Variants in DCDC1 observed in about 807,000 individuals in gnomAD.
The protein encoded by DCDC1 is doublecortin domain-containing protein 1.
In DCDC1, 200 loss-of-function variants were observed where a neutral mutation model predicts 178.3. The ratio of observed to expected loss-of-function variants is 1.12; its 90% CI spans 1.00 to 1.26. The LOEUF is 1.26. DCDC1 is among the 50% of genes most tolerant of loss of function. DCDC1 has a pLI of 0.00. For synonymous variants in DCDC1, 690 were observed against 604.8 expected (o/e 1.14, Z -2.07); for missense variants, 1,983 against 1,749.2 (o/e 1.13, Z -2.38).
intron 17 of DCDC1, among the ~76,000 whole-genome samples, chr11:31,082,632 G>A (rs1417521314): frequency 2.0e-5 from 3 of 151,270 alleles, no homozygotes; most frequent in Non-Finnish European, 2.9e-5. Context: ...ATATATGTGT[G>A]TAATACATCT....
At chr11:31,296,900 C>T (rs1947727051) in intron 6 of DCDC1, among the ~76,000 whole-genome samples, 1 of 152,168 alleles carries the variant, frequency 6.6e-6, no homozygotes, top group Admixed American at 6.5e-5. Context: ...AGGCGTCTCC[C>T]CCAACATGAG....
chr11:31,015,694 A>G (rs1952449804), intron 20 of DCDC1, among the ~76,000 whole-genome samples: 2 of 152,170 alleles, frequency 1.3e-5, no homozygotes, highest in African/African-American at 4.8e-5. Context: ...AAGAATGAAG[A>G]CATCCTTAAT....
intron 9 of DCDC1, among the ~76,000 whole-genome samples, chr11:31,232,686 C>G (rs1975933519): frequency 2.0e-5 from 3 of 152,120 alleles, no homozygotes; most frequent in Non-Finnish European, 1.5e-5. Flanking sequence ...ATCTTGCTGT[C>G]TCACCTTAGA....
intron 21 of DCDC1, among the ~76,000 whole-genome samples, chr11:30,937,325 T>C (rs1296152046): frequency 1.3e-5 from 2 of 152,092 alleles, no homozygotes; most frequent in Non-Finnish European, 2.9e-5. Flanking sequence ...TGTCACTTTT[T>C]CTCCCTCAGG....
Position 30,952,579 on chromosome 11 carries a change from A to G in DCDC1, c.2592-11T>C, listed in dbSNP as rs1948494202. ...TGTTTTATGGCCCACCTAAAACAAA[A>G]GATAAAAAACAAAAAGAAATTTAGC... On this transcript the variant is annotated splice_polypyrimidine_tract_variant and intron_variant, in intron 20 of 38. Coordinates refer to ENST00000684477, the MANE Select transcript of DCDC1 (RefSeq NM_001387274.1). 2 of 1,203,012 alleles carry G rather than the reference A, an allele frequency of 1.7e-6. No homozygotes were observed. The highest frequency in any genetic ancestry group is 1.5e-5 in the African/African-American group (1 of 66,422). 74.5% of individuals were successfully genotyped at this position (1,203,012 alleles called of 1,614,324 possible).
chr11:31,257,656 G>C (rs72888116), intron 8 of DCDC1, among the ~76,000 whole-genome samples: 29 of 149,968 alleles, frequency 1.9e-4, no homozygotes, highest in Admixed American at 1.0e-3. Context: ...AAAATGGTAC[G>C]CATCTGACCC....
At chr11:31,112,337 T>C (rs1192648386) in intron 11 of DCDC1, among the ~76,000 whole-genome samples, 1 of 152,200 alleles carries the variant, frequency 6.6e-6, no homozygotes. Flanking sequence ...TTATTTCCAA[T>C]ATCCAATGTT....
chr11:31,022,506 T>G (rs1371409405), intron 20 of DCDC1, among the ~76,000 whole-genome samples: 4 of 152,110 alleles, frequency 2.6e-5, no homozygotes. Context: ...ACATATCTTT[T>G]GGGGATACAA....
chr11:31,062,828 G>T (rs1168491429), intron 20 of DCDC1, among the ~76,000 whole-genome samples: 1 of 148,970 alleles, frequency 6.7e-6, no homozygotes. Flanking sequence ...TAAGTTTTAG[G>T]GTACATGTGC....
chr11:31,134,988 C>T (rs965520798), intron 10 of DCDC1, among the ~76,000 whole-genome samples: 1 of 151,896 alleles, frequency 6.6e-6, no homozygotes, highest in Non-Finnish European at 1.5e-5. Flanking sequence ...AGAGAGAGAG[C>T]CTATCTCTAA....
intron 20 of DCDC1, among the ~76,000 whole-genome samples, chr11:30,984,626 C>T (rs988427089): frequency 1.6e-4 from 24 of 152,136 alleles, no homozygotes; most frequent in Admixed American, 7.2e-4. Flanking sequence ...CAAAGGTGGG[C>T]GTAACGTGAC....
Position 31,155,678 on chromosome 11 carries a change from T to G in DCDC1, c.1222-17894A>C, listed in dbSNP as rs375996413. On this transcript the variant is annotated intron_variant, in intron 9 of 38. Transcript: ENST00000684477. ...CAAGTAGGAGTAAGTATGACAAGCATAAAAAGAAGTGTGGAATTTGGAGGG... is the reference window on the plus strand; with the variant it reads ...CAAGTAGGAGTAAGTATGACAAGCAGAAAAAGAAGTGTGGAATTTGGAGGG... Among the ~76,000 whole-genome samples the G allele has an allele frequency of 1.1e-4, 17 of 152,212 alleles. 1 individual carries two copies. The South Asian group carries it at 3.3e-3, about 30-fold the overall frequency.
chr11:30,900,621 T>C (rs185828709), intron 32 of DCDC1, 123 bp from the exon 33 acceptor site: 2 of 1,012,170 alleles, frequency 2.0e-6, no homozygotes, highest in East Asian at 6.1e-5. Flanking sequence ...AAACAGGCAA[T>C]GCCAAAATCA....
At chr11:30,984,017 T>A (rs774970533) in intron 20 of DCDC1, among the ~76,000 whole-genome samples, 9 of 152,198 alleles carry the variant, frequency 5.9e-5, no homozygotes, top group Non-Finnish European at 1.3e-4. Context: ...ATGCCAGTCC[T>A]TTCCTTACTG....
chr11:31,306,861 T>C (rs1044548539), intron 4 of DCDC1, among the ~76,000 whole-genome samples: 2 of 152,084 alleles, frequency 1.3e-5, no homozygotes, highest in South Asian at 2.1e-4. Context: ...TTCAAAAATA[T>C]TTGATTTTAA....
chr11:30,911,212 C>T (rs1945423612), intron 28 of DCDC1, 115 bp downstream of exon 28: 1 of 792,238 alleles, frequency 1.3e-6, no homozygotes, highest in African/African-American at 1.8e-5. Context: ...ATTTTAACAA[C>T]ATTCAAATAG....
chr11:30,871,662 G>A (rs1389169706), intron 38 of DCDC1, among the ~76,000 whole-genome samples: 1 of 151,822 alleles, frequency 6.6e-6, no homozygotes, highest in Non-Finnish European at 1.5e-5. Context: ...CTTTAAAATA[G>A]CAAGATTTTA....
chr11:31,294,798 A>G (rs553834703), intron 6 of DCDC1, among the ~76,000 whole-genome samples: 10 of 125,232 alleles, frequency 8.0e-5, no homozygotes, highest in African/African-American at 2.1e-4. Flanking sequence ...AAAATAAAGA[A>G]AAAGAAAGAA....
At chr11:31,242,146 G>T (rs2136902850) in intron 8 of DCDC1, among the ~76,000 whole-genome samples, 1 of 151,962 alleles carries the variant, frequency 6.6e-6, no homozygotes, top group Non-Finnish European at 1.5e-5. Flanking sequence ...TGGCAAGACT[G>T]TTTAAAAACA....
Sources: allele counts gnomAD v4.1 joint callset (sites outside exome capture counted in the v4.1 genomes callset), GRCh38; gene constraint gnomAD v4.1.1; transcripts MANE v1.5; gene names NCBI Gene and HGNC (gene_info 2026-07-23, HGNC 2026-07-21).